The following ZNF536 variants were observed in gnomAD, a reference collection of about 807,000 sequenced individuals.
ZNF536 encodes the protein zinc finger protein 536.
Under a neutral mutation model 84.5 loss-of-function variants are expected in ZNF536, and 13 were observed. The ratio of observed to expected loss-of-function variants is 0.15; its 90% CI spans 0.10 to 0.24. ZNF536 has a LOEUF of 0.24. Ranked by LOEUF, ZNF536 falls within the 10% of genes least tolerant of loss-of-function variation. ZNF536 has a pLI of 1.00. For synonymous variants in ZNF536, 811 were observed against 742.5 expected (o/e 1.09, Z -1.50); for missense variants, 1,536 against 1,747.5 (o/e 0.88, Z 2.16).
At chr19:30,354,645 C>T (rs188141926) in intron 3 of ZNF536, among the ~76,000 whole-genome samples, 125 of 152,300 alleles carry the variant, frequency 8.2e-4, no homozygotes, top group Admixed American at 1.4e-3. Context: ...GAGATTTTCC[C>T]AGACTGGAAA....
chr19:30,350,396 G>A (rs1194168387), intron 2 of ZNF536, among the ~76,000 whole-genome samples: 1 of 152,110 alleles, frequency 6.6e-6, no homozygotes, highest in African/African-American at 2.4e-5. Flanking sequence ...AGAAACACAA[G>A]GGCAGCAGAC....
chr19:30,497,344 A>T (rs945551630), intron 2 of ZNF536, among the ~76,000 whole-genome samples: 1 of 152,218 alleles, frequency 6.6e-6, no homozygotes, highest in Non-Finnish European at 1.5e-5. Flanking sequence ...TGGCTGGGTC[A>T]TTCCTCATGC....
intron 1 of ZNF536, among the ~76,000 whole-genome samples, chr19:30,419,081 C>G (rs1195462582): frequency 6.6e-6 from 1 of 152,036 alleles, no homozygotes; most frequent in Admixed American, 6.5e-5. Flanking sequence ...GTTATTTTTT[C>G]TTTCTTTATT....
At chr19:30,236,842 C>T (rs1044418778) in intron 1 of ZNF536, among the ~76,000 whole-genome samples, 4 of 152,066 alleles carry the variant, frequency 2.6e-5, no homozygotes, top group Non-Finnish European at 1.5e-5. Flanking sequence ...TGTGTATGCC[C>T]GGCATGTTGG....
rs189831603 is a variant in ZNF536, at chr19:30,664,433, C to A, written c.170-46324C>A. ...TGAATCAGGCCAGGCTGCTGGAGGG[C>A]GGGGTGGATGGAGCCTGGGACTGGC... On this transcript the variant is annotated intron_variant, in intron 1 of 1. Coordinates refer to the ZNF536 transcript ENST00000592773. Among the ~76,000 whole-genome samples the A allele has an allele frequency of 5.3e-5, 8 of 152,078 alleles. No homozygotes were observed. The East Asian group carries it at 1.5e-3, about 29-fold the overall frequency.
chr19:30,527,770 A>G (rs1407147051), intron 2 of ZNF536, among the ~76,000 whole-genome samples: 2 of 152,208 alleles, frequency 1.3e-5, no homozygotes, highest in African/African-American at 4.8e-5. Context: ...AAAGCTTTCA[A>G]AATAAGGGAA....
intron 1 of ZNF536, among the ~76,000 whole-genome samples, chr19:30,390,968 G>A (rs531241901): frequency 3.7e-4 from 57 of 152,332 alleles, no homozygotes; most frequent in African/African-American, 1.3e-3. Flanking sequence ...CGGGGGCTAC[G>A]TGCCCTTGAG....
intron 1 of ZNF536, among the ~76,000 whole-genome samples, chr19:30,623,031 T>C (rs200220301): frequency 1.5e-5 from 2 of 134,430 alleles, no homozygotes; most frequent in African/African-American, 2.9e-5. Flanking sequence ...TTTTTTTTTT[T>C]GTTTTTTTGT....
intron 2 of ZNF536, among the ~76,000 whole-genome samples, chr19:30,516,192 T>G (rs2044065781): frequency 1.3e-5 from 2 of 151,998 alleles, no homozygotes; most frequent in South Asian, 4.2e-4. Flanking sequence ...TGCTCTAAGA[T>G]GAATGAGGAC....
chr19:30,479,523 GTCAACAACTGTTTGTTTAA>G (rs1000246511), intron 2 of ZNF536, among the ~76,000 whole-genome samples: 1 of 152,210 alleles, frequency 6.6e-6, no homozygotes, highest in Non-Finnish European at 1.5e-5. Context: ...TGTGGAAAAG[GTCAACAACTGTTTGTTTAA>G]TTGCATCACT....
intron 1 of ZNF536, among the ~76,000 whole-genome samples, chr19:30,431,125 T>A (rs1284993842): frequency 6.6e-6 from 1 of 152,148 alleles, no homozygotes; most frequent in African/African-American, 2.4e-5. Flanking sequence ...GCAGGAACAC[T>A]CCCATATCTG....
chr19:30,334,656 T>G (rs1398936434), intron 2 of ZNF536, among the ~76,000 whole-genome samples: 1 of 152,188 alleles, frequency 6.6e-6, no homozygotes. Context: ...GTGAGGAGTA[T>G]GACACGGTGG....
intron 2 of ZNF536, among the ~76,000 whole-genome samples, chr19:30,491,989 C>T (rs1490430048): frequency 6.6e-6 from 1 of 151,464 alleles, no homozygotes. Flanking sequence ...TACCAGAACA[C>T]AGAGTTTTAT....
chr19:30,236,875 C>A (rs1029946457), intron 1 of ZNF536, among the ~76,000 whole-genome samples: 1 of 152,158 alleles, frequency 6.6e-6, no homozygotes, highest in Non-Finnish European at 1.5e-5. Flanking sequence ...TTGGCGATGG[C>A]TGTCTGGTGA....
At chr19:30,354,163 G>T (rs953805565) in intron 3 of ZNF536, among the ~76,000 whole-genome samples, 1 of 152,174 alleles carries the variant, frequency 6.6e-6, no homozygotes, top group Non-Finnish European at 1.5e-5. Flanking sequence ...CTTTGGATGG[G>T]CTTCTTGGAC....
chr19:30,527,151 T>G (rs2044618914), intron 2 of ZNF536, among the ~76,000 whole-genome samples: 1 of 151,242 alleles, frequency 6.6e-6, no homozygotes, highest in South Asian at 2.1e-4. Context: ...ACTCCTGACC[T>G]TGTGGTCTGC....
intron 2 of ZNF536, among the ~76,000 whole-genome samples, chr19:30,466,776 G>GGAAA (rs2053429551): frequency 1.4e-5 from 2 of 142,948 alleles, no homozygotes; most frequent in African/African-American, 2.6e-5. Flanking sequence ...AAGGAAGGAA[G>GGAAA]GAAGGAAGGA....
At chr19:30,334,711 A>T (rs2047324065) in intron 2 of ZNF536, among the ~76,000 whole-genome samples, 1 of 152,194 alleles carries the variant, frequency 6.6e-6, no homozygotes, top group African/African-American at 2.4e-5. Flanking sequence ...CTATGGCCTC[A>T]GCTCAATGCC....
At chr19:30,540,716 T>A (rs2045296439) in intron 3 of ZNF536, among the ~76,000 whole-genome samples, 1 of 152,264 alleles carries the variant, frequency 6.6e-6, no homozygotes, top group Non-Finnish European at 1.5e-5. Flanking sequence ...TTGCTACTTT[T>A]TACTTTTCTG....
Sources: allele counts gnomAD v4.1 joint callset (sites outside exome capture counted in the v4.1 genomes callset), GRCh38; gene constraint gnomAD v4.1.1; transcripts MANE v1.5; gene names NCBI Gene and HGNC (gene_info 2026-07-23, HGNC 2026-07-21).